Variants in DNAH11 observed in about 807,000 individuals in gnomAD.
DNAH11 encodes the protein dynein axonemal heavy chain 11.
In DNAH11, 442 loss-of-function variants were observed where a neutral mutation model predicts 526.0. That is an observed-to-expected ratio of 0.84 (90% CI 0.78 to 0.91). The LOEUF (loss-of-function observed/expected upper bound fraction) is 0.91. Ranked by LOEUF, DNAH11 falls within the 40% of genes least tolerant of loss-of-function variation. The pLI is 0.00. For missense variants in DNAH11, 6,989 were observed against 5,448.7 expected (o/e 1.28, Z -8.90); for synonymous variants, 2,461 against 1,935.9 (o/e 1.27, Z -7.12).
chr7:21,579,240 A>G (rs1233148342), intron 8 of DNAH11, among the ~76,000 whole-genome samples: 1 of 152,224 alleles, frequency 6.6e-6, no homozygotes, highest in Non-Finnish European at 1.5e-5. Flanking sequence ...CAACATTTTT[A>G]TAATGATTTC....
At chr7:21,674,114 C>T (rs1332776105) in intron 30 of DNAH11, among the ~76,000 whole-genome samples, 6 of 151,758 alleles carry the variant, frequency 4.0e-5, no homozygotes, top group African/African-American at 1.5e-4. Context: ...GGCTGGAATG[C>T]AGTGGCACTA....
At chr7:21,870,935 T>C (rs1783471405) in intron 73 of DNAH11, among the ~76,000 whole-genome samples, 1 of 152,228 alleles carries the variant, frequency 6.6e-6, no homozygotes, top group Admixed American at 6.5e-5. Context: ...AAGTTGCTAG[T>C]ATCCATTTGA....
chr7:21,794,605 C>G (rs1562550339), intron 61 of DNAH11, among the ~76,000 whole-genome samples: 2 of 152,146 alleles, frequency 1.3e-5, no homozygotes, highest in Non-Finnish European at 2.9e-5. Context: ...GCCCAGAAGA[C>G]CCATGGAGTG....
chr7:21,663,131 C>T (rs974487442), intron 30 of DNAH11, among the ~76,000 whole-genome samples: 14 of 152,056 alleles, frequency 9.2e-5, no homozygotes, highest in African/African-American at 3.1e-4. Flanking sequence ...TAGTTCCCTG[C>T]GTGTTGCTAC....
chr7:21,607,772 T>C (rs2128449386), intron 20 of DNAH11, among the ~76,000 whole-genome samples: 1 of 151,060 alleles, frequency 6.6e-6, no homozygotes, highest in South Asian at 2.1e-4. Flanking sequence ...TCTACTAAAA[T>C]AAAAATTAAA....
At chr7:21,563,935 A>T (rs1158626193) in intron 5 of DNAH11, among the ~76,000 whole-genome samples, 2 of 152,100 alleles carry the variant, frequency 1.3e-5, no homozygotes, top group Non-Finnish European at 2.9e-5. Flanking sequence ...TGGGTTTTCC[A>T]TCACAATTTA....
At chr7:21,651,383 GAC>G (rs748709697) in intron 28 of DNAH11, among the ~76,000 whole-genome samples, 50 of 151,568 alleles carry the variant, frequency 3.3e-4, no homozygotes, top group Non-Finnish European at 6.2e-4. Context: ...TTTTTTTTGA[GAC>G]AGAGTCTCGC....
At chr7:21,610,249 A>G (rs758855000) in intron 20 of DNAH11, among the ~76,000 whole-genome samples, 54 of 152,258 alleles carry the variant, frequency 3.5e-4, no homozygotes, top group Non-Finnish European at 3.8e-4. Context: ...GCGAGACTCC[A>G]TCTCAAAAAA....
chr7:21,681,743 G>A, intron 31 of DNAH11, 66 bp downstream of exon 31: 1 of 1,585,592 alleles, frequency 6.3e-7, no homozygotes, highest in Non-Finnish European at 8.7e-7. Context: ...TATTGCCAGA[G>A]TAGTTCCAAG....
At chr7:21,662,199 A>G (rs1363667664) in intron 30 of DNAH11, among the ~76,000 whole-genome samples, 4 of 152,206 alleles carry the variant, frequency 2.6e-5, no homozygotes, top group Non-Finnish European at 5.9e-5. Context: ...TGCTATGACA[A>G]TAATGATGAT....
chr7:21,783,812 G>T (rs999395788), intron 57 of DNAH11, among the ~76,000 whole-genome samples: 4 of 152,162 alleles, frequency 2.6e-5, no homozygotes, highest in Non-Finnish European at 5.9e-5. Flanking sequence ...TTCCAATACC[G>T]AAGGCAGATG....
chr7:21,842,736 G>A lies in DNAH11; in HGVS notation c.10884G>A (p.Leu3628=). The stretch of plus-strand genomic sequence containing the variant: ...TTGTCAGTATTGAAAGGCCAGATTT[G>A]GAGAAACTTAAGGTAAAAATGTTTA... ...AEVVSIERPD[L]EKLKLVLTKH... The change falls in exon 66 of 82, where the codon TTG becomes TTA. Residue 3628 remains leucine, a synonymous_variant. Transcript: ENST00000409508. 6.2e-7 allele frequency: 1 copy of A among 1,608,560 alleles called. No homozygotes were observed. The highest frequency in any genetic ancestry group is 8.5e-7 in the Non-Finnish European group (1 of 1,177,504).
intron 21 of DNAH11, 95 bp downstream of exon 21, chr7:21,615,367 T>C (rs1039787811): frequency 2.9e-6 from 4 of 1,381,546 alleles, no homozygotes; most frequent in Non-Finnish European, 2.9e-6. Context: ...GGTTTTATAA[T>C]GTCTTGAAAT....
At chr7:21,547,985 A>G (rs180770867) in intron 2 of DNAH11, among the ~76,000 whole-genome samples, 1 of 152,364 alleles carries the variant, frequency 6.6e-6, no homozygotes, top group Admixed American at 6.5e-5. Flanking sequence ...CCCCTTACAC[A>G]GGAGGAATAC....
intron 74 of DNAH11, among the ~76,000 whole-genome samples, chr7:21,874,885 C>A (rs1783646558): frequency 6.6e-6 from 1 of 152,028 alleles, no homozygotes; most frequent in Non-Finnish European, 1.5e-5. Flanking sequence ...GTAGAATGAA[C>A]CCTAAAGAGG....
At chr7:21,762,232 C>T (rs891849639) in intron 54 of DNAH11, among the ~76,000 whole-genome samples, 1 of 152,066 alleles carries the variant, frequency 6.6e-6, no homozygotes, top group Non-Finnish European at 1.5e-5. Flanking sequence ...ATAATGAGGC[C>T]TTATCACTCA....
At chr7:21,752,443 A>G (rs1485330020) in intron 54 of DNAH11, among the ~76,000 whole-genome samples, 1 of 152,102 alleles carries the variant, frequency 6.6e-6, no homozygotes, top group African/African-American at 2.4e-5. Context: ...TCACTTTTCT[A>G]TTGGATTGTA....
intron 44 of DNAH11, among the ~76,000 whole-genome samples, chr7:21,724,759 A>G (rs1785019731): frequency 6.6e-6 from 1 of 151,086 alleles, no homozygotes; most frequent in Admixed American, 6.6e-5. Flanking sequence ...GGGCCAGGTC[A>G]TCCTATGAAT....
At chr7:21,563,231 CAG>C (rs1200076598) in intron 5 of DNAH11, among the ~76,000 whole-genome samples, 2 of 151,442 alleles carry the variant, frequency 1.3e-5, no homozygotes, top group African/African-American at 4.9e-5. Flanking sequence ...TTTTTGGAGA[CAG>C]GGTCTTGCTC....
Sources: gnomAD v4.1 joint callset for allele counts (sites outside exome capture counted in the v4.1 genomes callset) on GRCh38, gnomAD v4.1.1 for gene constraint, MANE v1.5 for transcripts, NCBI Gene and HGNC (gene_info 2026-07-23, HGNC 2026-07-21) for gene names.